PIK3C2A: variants seen among roughly 807,000 people sequenced by gnomAD.
PIK3C2A encodes the protein phosphatidylinositol-4-phosphate 3-kinase catalytic subunit type 2 alpha, also known as phosphatidylinositol 4-phosphate 3-kinase C2 domain-containing subunit alpha.
Under a neutral mutation model 204.5 loss-of-function variants are expected in PIK3C2A, and 97 were observed. The observed-to-expected ratio is 0.47, with a 90% CI of 0.40 to 0.56. The LOEUF is 0.56. Ranked by LOEUF, PIK3C2A falls within the 20% of genes least tolerant of loss-of-function variation. The pLI is 0.00. For synonymous variants in PIK3C2A, 653 were observed against 664.4 expected, an observed-to-expected ratio of 0.98 and a Z score of 0.26; for missense variants, 1,735 against 1,969.2, an observed-to-expected ratio of 0.88 and a Z score of 2.25.
intron 2 of PIK3C2A, among the ~76,000 whole-genome samples, chr11:17,161,187 T>C (rs1292705150): frequency 6.6e-6 from 1 of 152,182 alleles, no homozygotes; most frequent in African/African-American, 2.4e-5. Flanking sequence ...TACCCAGAAA[T>C]TATATGGAAC....
intron 1 of PIK3C2A, among the ~76,000 whole-genome samples, chr11:17,199,672 G>A (rs1852295647): frequency 1.3e-5 from 2 of 152,206 alleles, no homozygotes; most frequent in Non-Finnish European, 2.9e-5. Context: ...GCTGGGCACA[G>A]GGGCTCACGC....
At chr11:17,141,210 C>T (rs1850053667) in intron 8 of PIK3C2A, 1 of 151,508 alleles carries the variant, frequency 6.6e-6, no homozygotes, top group Non-Finnish European at 1.5e-5. Flanking sequence ...CAAACGTTAT[C>T]TTTTCAAAGC....
At chr11:17,175,363 A>G (rs1851304160) in intron 1 of PIK3C2A, among the ~76,000 whole-genome samples, 1 of 152,216 alleles carries the variant, frequency 6.6e-6, no homozygotes, top group African/African-American at 2.4e-5. Context: ...AGAGGTTATC[A>G]TGCATGTATA....
intron 22 of PIK3C2A, among the ~76,000 whole-genome samples, chr11:17,107,375 A>C (rs552813526): frequency 1.1e-3 from 163 of 152,350 alleles, no homozygotes; most frequent in African/African-American, 3.7e-3. Flanking sequence ...ACACAAAAGA[A>C]AACAATGAGG....
At chr11:17,154,522 T>A (rs1174825832) in intron 3 of PIK3C2A, among the ~76,000 whole-genome samples, 1 of 152,144 alleles carries the variant, frequency 6.6e-6, no homozygotes, top group East Asian at 1.9e-4. Flanking sequence ...CAATGCTGGA[T>A]TCAGAAAAAA....
At chr11:17,157,784 C>T (rs1343117908) in intron 2 of PIK3C2A, among the ~76,000 whole-genome samples, 1 of 152,170 alleles carries the variant, frequency 6.6e-6, no homozygotes, top group African/African-American at 2.4e-5. Context: ...ACATATCAAT[C>T]AATTTGTATT....
chr11:17,110,489 CTTT>C lies in PIK3C2A; in HGVS notation c.3484_3486del (p.Lys1162del). 6.2e-7 allele frequency: 1 copy of C among 1,609,954 alleles called. No homozygotes were observed. On this transcript the variant is annotated inframe_deletion, in exon 22 of 33. Coordinates refer to ENST00000691414, the MANE Select transcript of PIK3C2A (RefSeq NM_002645.4). ...ATTACCATCCTCAGATCTAGTCCTT[CTTT>C]AAGCCAGATCTTATCCATAATCTTT...
intron 20 of PIK3C2A, 138 bp from the exon 21 acceptor site, chr11:17,112,804 G>A: frequency 2.4e-6 from 1 of 415,826 alleles, no homozygotes; most frequent in East Asian, 4.0e-5. Context: ...ATTTCTGTTA[G>A]AGACAGCGTC....
chr11:17,134,191 G>T (rs1849795015), intron 11 of PIK3C2A, among the ~76,000 whole-genome samples: 1 of 152,082 alleles, frequency 6.6e-6, no homozygotes, highest in Non-Finnish European at 1.5e-5. Context: ...ATAGTTGCTA[G>T]ATAAAGCTGC....
At chr11:17,097,783 G>A (rs1004971850) in intron 26 of PIK3C2A, among the ~76,000 whole-genome samples, 2 of 152,068 alleles carry the variant, frequency 1.3e-5, no homozygotes, top group African/African-American at 2.4e-5. Context: ...GTGTGGTGGT[G>A]TGCGCCTATA....
intron 3 of PIK3C2A, among the ~76,000 whole-genome samples, chr11:17,151,450 C>CT (rs1352701309): frequency 3.3e-5 from 5 of 152,226 alleles, no homozygotes; most frequent in Admixed American, 1.3e-4. Context: ...ATACTTGCTT[C>CT]TGTAGAGATT....
In PIK3C2A at chr11:17,091,596, G is replaced by C. The variant is rs1251718190; in HGVS notation, c.4703C>G (p.Ser1568Cys). 1 of 1,613,488 alleles carries C rather than the reference G, an allele frequency of 6.2e-7. No homozygotes were observed. Among genetic ancestry groups the C allele is most frequent in the Non-Finnish European group, 8.5e-7 (1 of 1,179,558 alleles). Reference sequence around the variant, plus strand: ...GATGAAAAGAGTACCATTTCGGTAAGAGATGGATAATTTCACAGCTCCTCC... The same window carrying C: ...GATGAAAAGAGTACCATTTCGGTAACAGATGGATAATTTCACAGCTCCTCC... The part of the protein sequence containing the change: ...QIGGAVKLSI[S>C]YRNGTLFIMV... Residue 1568 changes from serine (S) to cysteine (C), a missense_variant, in exon 31 of 33, where the codon TCT becomes TGT. Transcript: ENST00000691414.
intron 21 of PIK3C2A, among the ~76,000 whole-genome samples, chr11:17,111,607 T>C (rs1849001153): frequency 6.6e-6 from 1 of 152,130 alleles, no homozygotes; most frequent in Non-Finnish European, 1.5e-5. Flanking sequence ...CTGGGCATGG[T>C]GGCTAACGCC....
intron 32 of PIK3C2A, among the ~76,000 whole-genome samples, chr11:17,090,528 A>T (rs1328043366): frequency 6.6e-6 from 1 of 152,156 alleles, no homozygotes; most frequent in Non-Finnish European, 1.5e-5. Flanking sequence ...GATCTAAGAC[A>T]AACTGAATAG....
At chr11:17,131,040 T>C (rs1175511030) in intron 12 of PIK3C2A, among the ~76,000 whole-genome samples, 1 of 151,814 alleles carries the variant, frequency 6.6e-6, no homozygotes, top group Non-Finnish European at 1.5e-5. Context: ...TACAAAAAAT[T>C]AGCCAGGCGT....
intron 12 of PIK3C2A, 35 bp downstream of exon 12, chr11:17,131,881 C>T: frequency 6.4e-7 from 1 of 1,574,414 alleles, no homozygotes; most frequent in Non-Finnish European, 8.7e-7. Flanking sequence ...CAACAGGACA[C>T]ACTGAAAGAA....
chr11:17,130,798 C>T (rs1393918697), intron 12 of PIK3C2A, among the ~76,000 whole-genome samples: 5 of 140,546 alleles, frequency 3.6e-5, no homozygotes, highest in Admixed American at 2.9e-4. Flanking sequence ...CAGAGTGAGA[C>T]TCCATCTCAA....
chr11:17,121,488 G>T (rs748662743), intron 15 of PIK3C2A, among the ~76,000 whole-genome samples: 6 of 152,080 alleles, frequency 3.9e-5, no homozygotes, highest in Non-Finnish European at 8.8e-5. Context: ...AAATATAAAA[G>T]AGTTTTATAT....
chr11:17,191,187 A>G (rs781758490), intron 1 of PIK3C2A, among the ~76,000 whole-genome samples: 23 of 152,192 alleles, frequency 1.5e-4, no homozygotes, highest in Admixed American at 2.6e-4. Flanking sequence ...CCTATTAAAG[A>G]ATTTAGCCTT....
Sources: gnomAD v4.1 joint callset for allele counts (sites outside exome capture counted in the v4.1 genomes callset) on GRCh38, gnomAD v4.1.1 for gene constraint, MANE v1.5 for transcripts, NCBI Gene and HGNC (gene_info 2026-07-23, HGNC 2026-07-21) for gene names.